The following DNER variants were observed in gnomAD, a reference collection of about 807,000 sequenced individuals.
DNER encodes the protein delta/notch like EGF repeat containing.
Under a neutral mutation model 78.2 loss-of-function variants are expected in DNER, and 33 were observed. The ratio of observed to expected loss-of-function variants is 0.42; its 90% confidence interval spans 0.32 to 0.56. The LOEUF is 0.56. Ranked by LOEUF, DNER falls within the 20% of genes least tolerant of loss-of-function variation. The pLI, the probability that DNER is intolerant of heterozygous loss-of-function variation, is 0.11. For missense variants in DNER, 918 were observed against 975.3 expected, an observed-to-expected ratio of 0.94 and a Z score of 0.78; for synonymous variants, 417 against 384.8, an observed-to-expected ratio of 1.08 and a Z score of -0.98.
chr2:229,508,527 A>G (rs1232419883), intron 6 of DNER, among the ~76,000 whole-genome samples: 1 of 152,226 alleles, frequency 6.6e-6, no homozygotes, highest in African/African-American at 2.4e-5. Context: ...CCATTTTTAT[A>G]AATTTTAAAA....
chr2:229,393,902 T>C (rs779987636), intron 10 of DNER, among the ~76,000 whole-genome samples: 1 of 152,150 alleles, frequency 6.6e-6, no homozygotes, highest in East Asian at 1.9e-4. Flanking sequence ...CTCTGACCCA[T>C]TGGACAATTT....
At chr2:229,593,512 C>T (rs894135217) in intron 1 of DNER, among the ~76,000 whole-genome samples, 8 of 152,122 alleles carry the variant, frequency 5.3e-5, no homozygotes, top group Non-Finnish European at 7.3e-5. Flanking sequence ...GTGAGCTGCA[C>T]GAATTCAGGT....
chr2:229,377,423 T>G (rs914728064), intron 11 of DNER, among the ~76,000 whole-genome samples: 3 of 152,220 alleles, frequency 2.0e-5, no homozygotes, highest in African/African-American at 7.2e-5. Flanking sequence ...ATTTTGATTT[T>G]TAGACCTTGA....
chr2:229,697,044 A>G (rs1699672789), intron 1 of DNER, among the ~76,000 whole-genome samples: 1 of 152,218 alleles, frequency 6.6e-6, no homozygotes, highest in African/African-American at 2.4e-5. Flanking sequence ...CACTTGTACG[A>G]GCACATTCAT....
In DNER at chr2:229,447,467, G is replaced by A; in HGVS notation, c.1335C>T (p.Cys445=). The A allele has an allele frequency of 6.2e-7, 1 of 1,614,144 alleles. No individual in the cohort carries two copies. Among genetic ancestry groups the A allele is most frequent in the African/African-American group, 1.3e-5 (1 of 75,036 alleles). The change falls in exon 8 of 13, where the codon TGC becomes TGT. Residue 445 remains cysteine (C), a synonymous_variant. Transcript: ENST00000341772. ...AGGTAAAGTGTACCCCGTCCACATA[G>A]CAGGTGCCGTTGTTCTGGCACGGAG... ...ASSPCQNNGT[C]YVDGVHFTCN...
intron 1 of DNER, among the ~76,000 whole-genome samples, chr2:229,708,809 G>A (rs192449700): frequency 1.0e-3 from 156 of 152,148 alleles, no homozygotes; most frequent in African/African-American, 3.5e-3. Flanking sequence ...TAAGAATGCA[G>A]CAAGAATGCA....
chr2:229,630,494 T>TAATAAC (rs1698416115), intron 1 of DNER, among the ~76,000 whole-genome samples: 1 of 147,004 alleles, frequency 6.8e-6, no homozygotes, highest in Non-Finnish European at 1.5e-5. Context: ...ATAATAATAA[T>TAATAAC]AATAATAATA....
chr2:229,585,740 A>T, intron 4 of DNER, 118 bp downstream of exon 4: 1 of 984,508 alleles, frequency 1.0e-6, no homozygotes, highest in Non-Finnish European at 1.5e-6. Context: ...TGAAAGAAAT[A>T]GCATTGATGG....
rs1320011469 is a variant in DNER, at chr2:229,465,465, T to G, written c.1261+11675A>C. On this transcript the variant is annotated intron_variant, in intron 7 of 12. Transcript: ENST00000341772. ...GGAAAGCATCAGGATAAACAGCTAA[T>G]GCATACAGGGCTTAATACCTAGGTG... Among the ~76,000 whole-genome samples the G allele has an allele frequency of 2.6e-5, 4 of 152,022 alleles. No homozygotes were observed. The East Asian group carries it at 7.7e-4, about 29-fold the overall frequency.
At chr2:229,615,571 A>C (rs1698141156) in intron 1 of DNER, among the ~76,000 whole-genome samples, 1 of 151,672 alleles carries the variant, frequency 6.6e-6, no homozygotes, top group African/African-American at 2.4e-5. Flanking sequence ...AATTAGCCGG[A>C]AGTGGTGGTG....
intron 1 of DNER, among the ~76,000 whole-genome samples, chr2:229,695,391 A>C (rs1374498081): frequency 1.3e-5 from 2 of 151,102 alleles, no homozygotes; most frequent in African/African-American, 2.5e-5. Context: ...ACTTAACTTG[A>C]ATCTGAATGT....
chr2:229,692,389 T>A (rs970365427), intron 1 of DNER, among the ~76,000 whole-genome samples: 1 of 152,234 alleles, frequency 6.6e-6, no homozygotes, highest in Non-Finnish European at 1.5e-5. Flanking sequence ...ATTTCTGGTT[T>A]ATTCATACTC....
At chr2:229,462,051 C>CA (rs1234031363) in intron 7 of DNER, among the ~76,000 whole-genome samples, 6 of 151,842 alleles carry the variant, frequency 4.0e-5, no homozygotes, top group Admixed American at 1.3e-4. Context: ...AAGAGGAATG[C>CA]AAATAAAGTA....
At chr2:229,605,338 T>A (rs936421365) in intron 1 of DNER, among the ~76,000 whole-genome samples, 2 of 152,146 alleles carry the variant, frequency 1.3e-5, no homozygotes, top group African/African-American at 4.8e-5. Flanking sequence ...GTGGACACTA[T>A]ATATAAGCTA....
At chr2:229,398,088 T>G (rs2106340343) in intron 10 of DNER, among the ~76,000 whole-genome samples, 1 of 152,152 alleles carries the variant, frequency 6.6e-6, no homozygotes, top group Admixed American at 6.5e-5. Flanking sequence ...AAAAAGCTAT[T>G]TATTAAAAAG....
chr2:229,517,433 T>A (rs557379614), intron 5 of DNER, among the ~76,000 whole-genome samples: 71 of 152,270 alleles, frequency 4.7e-4, no homozygotes, highest in African/African-American at 1.6e-3. Flanking sequence ...TAAAACCGGA[T>A]GTACTGAGAA....
intron 11 of DNER, among the ~76,000 whole-genome samples, chr2:229,381,688 G>A (rs750952001): frequency 4.9e-4 from 74 of 152,176 alleles, no homozygotes; most frequent in Non-Finnish European, 7.8e-4. Context: ...GGAGCCCACC[G>A]CAGCACTGCA....
At chr2:229,416,901 T>A (rs1039045962) in intron 9 of DNER, among the ~76,000 whole-genome samples, 3 of 151,814 alleles carry the variant, frequency 2.0e-5, no homozygotes, top group African/African-American at 7.3e-5. Context: ...TTGTTCAGAG[T>A]AAGAAATCCA....
intron 1 of DNER, among the ~76,000 whole-genome samples, chr2:229,679,804 A>T (rs780892124): frequency 5.9e-5 from 9 of 152,198 alleles, no homozygotes; most frequent in Admixed American, 4.6e-4. Flanking sequence ...CATAGCACAC[A>T]AAATGTTAAC....
Sources: allele counts gnomAD v4.1 joint callset (sites outside exome capture counted in the v4.1 genomes callset), GRCh38; gene constraint gnomAD v4.1.1; transcripts MANE v1.5; gene names NCBI Gene and HGNC (gene_info 2026-07-23, HGNC 2026-07-21).